Variants in COPG1 observed in about 807,000 individuals in gnomAD.
COPG1 encodes coatomer subunit gamma-1.
In COPG1, 29 loss-of-function variants were observed where a neutral mutation model predicts 102.8. The ratio of observed to expected loss-of-function variants is 0.28; its 90% CI spans 0.21 to 0.38. The LOEUF is 0.38. Ranked by LOEUF, COPG1 falls within the 10% of genes least tolerant of loss-of-function variation. The pLI, the probability that COPG1 is intolerant of heterozygous loss-of-function variation, is 1.00. For synonymous variants in COPG1, 406 were observed against 421.6 expected (o/e 0.96, Z 0.45); for missense variants, 875 against 1,132.7 (o/e 0.77, Z 3.27).
Position 129,277,507 on chromosome 3 carries a change from CT to C in COPG1, c.*85del. 1.4e-6 allele frequency: 2 copies of C among 1,414,602 alleles called. No individual in the cohort carries two copies. Among genetic ancestry groups the C allele is most frequent in the Non-Finnish European group, 2.0e-6 (2 of 1,024,962 alleles). The allele number at this position is 1,414,602 out of a possible 1,614,324, so 87.6% of individuals were successfully genotyped here. A position where few individuals can be genotyped will look rare whatever the true frequency, so the allele number is the denominator to read the frequency against. ...TTCCTCATGAAACTGGCAGAAACCC[CT>C]TCCCAAGCTTCTGTATTGAAAAACA... is the stretch of plus-strand genomic sequence containing the variant. On this transcript the variant is annotated 3_prime_UTR_variant, in exon 24 of 24. Transcript: ENST00000314797.
intron 2 of COPG1, 128 bp downstream of exon 2, chr3:129,250,862 C>A: frequency 1.8e-6 from 1 of 555,960 alleles, no homozygotes; most frequent in Admixed American, 2.5e-5. Context: ...TGGAAGTTTT[C>A]TGGAAGACAG....
chr3:129,256,659 T>C (rs978001553), intron 8 of COPG1, among the ~76,000 whole-genome samples: 1 of 152,252 alleles, frequency 6.6e-6, no homozygotes, highest in Non-Finnish European at 1.5e-5. Context: ...GCTGAGATCA[T>C]GCATGTAACA....
chr3:129,266,987 G>A (rs1940073565), intron 14 of COPG1, 37 bp from the exon 15 acceptor site: 2 of 1,583,516 alleles, frequency 1.3e-6, no homozygotes, highest in Non-Finnish European at 8.7e-7. Flanking sequence ...AGTTGTCAGG[G>A]TGCATTGGGT....
rs1939898286 is a variant in COPG1, at chr3:129,260,223, C to T, written c.872-110C>T. The T allele has an allele frequency of 3.1e-6, 3 of 980,022 alleles. No homozygotes were observed. The South Asian group carries it at 4.3e-5, about 14-fold the overall frequency. 60.7% of individuals were successfully genotyped at this position (980,022 alleles called of 1,614,324 possible). On this transcript the variant is annotated intron_variant, in intron 10 of 23. Transcript: ENST00000314797. Reference sequence around the variant, plus strand: ...GTGTCTTGGGTTGGGATGGGGGTGTCAGCAGGGAAATGAGCTGAGCAGAGG... The same window carrying T: ...GTGTCTTGGGTTGGGATGGGGGTGTTAGCAGGGAAATGAGCTGAGCAGAGG...
intron 10 of COPG1, among the ~76,000 whole-genome samples, chr3:129,258,827 G>T (rs1356940268): frequency 6.6e-6 from 1 of 152,182 alleles, no homozygotes; most frequent in Non-Finnish European, 1.5e-5. Flanking sequence ...TCTGTGCAGG[G>T]CCCTGCTCTG....
At position 129,252,877 on chromosome 3, in the gene COPG1, C is replaced by T. The variant is rs1049834754; in HGVS notation, c.245C>T (p.Pro82Leu). ...GGGCTTTTCCCACCTATCTCCCAGC[C>T]CACACTCCGTCGGATGTGCTACTTG... ...AMTKLFQSND[P>L]TLRRMCYLTI... Residue 82 changes from proline to leucine, a missense_variant and splice_region_variant, in exon 5 of 24, where the codon CCC (proline) becomes CTC (leucine). Pro to Leu is a moderately conservative substitution (Grantham distance 98). Transcript: ENST00000314797. 1.9e-6 allele frequency: 3 copies of T among 1,613,962 alleles called. No homozygotes were observed. Among genetic ancestry groups the T allele is most frequent in the African/African-American group, 2.7e-5 (2 of 74,934 alleles).
At position 129,257,563 on chromosome 3, in the gene COPG1, T is replaced by C; in HGVS notation, c.673T>C (p.Ser225Pro). The change falls in exon 9 of 24, where the codon TCT becomes CCT. Residue 225 changes from serine (S) to proline (P), a missense_variant. Physicochemically the swap from Ser to Pro is moderately conservative, Grantham distance 74. Coordinates refer to ENST00000314797, the MANE Select transcript of COPG1 (RefSeq NM_016128.4). The stretch of plus-strand genomic sequence containing the variant: ...CAAGGTCACACGGCATGGCCTTAAG[T>C]CTCCCTTTGCCTACTGCATGATGAT... The part of the protein sequence containing the change: ...ISKVTRHGLK[S>P]PFAYCMMIRV... 6.2e-7 allele frequency: 1 copy of C among 1,614,156 alleles called. No individual in the cohort carries two copies. The highest frequency in any genetic ancestry group is 8.5e-7 in the Non-Finnish European group (1 of 1,180,022).
rs1940181243 is a variant in COPG1, at chr3:129,271,526, C to G, written c.1844-241C>G. 1.3e-5 allele frequency among the ~76,000 whole-genome samples: 2 copies of G among 152,102 alleles called. No individual in the cohort carries two copies. Among genetic ancestry groups the G allele is most frequent in the Non-Finnish European group, 2.9e-5 (2 of 68,030 alleles). On this transcript the variant is annotated intron_variant, in intron 18 of 23. Transcript: ENST00000314797. This position sits in a 1 kb window ranked among gnomAD's most constrained non-coding sequence, Gnocchi z 4.7. ...CATATCAGTTTTTTGCTTCTGAGGT[C>G]TTTCATGGTACAGAGATGGGGAGAG...
In COPG1 at chr3:129,271,962, C is replaced by T; in HGVS notation, c.1986+53C>T. On this transcript the variant is annotated intron_variant, in intron 19 of 23. Coordinates refer to ENST00000314797, the MANE Select transcript of COPG1 (RefSeq NM_016128.4). The surrounding 1 kb of genome is among the most constrained non-coding windows in gnomAD (Gnocchi z 4.7). ...GGGGCATGCGCCCAGGGAGTTGTCC[C>T]AGGTCTGGCAGGTCCTGTAGGGTCA... 2 of 1,584,858 alleles carry T rather than the reference C, an allele frequency of 1.3e-6. No individual in the cohort carries two copies. Among genetic ancestry groups the T allele is most frequent in the Non-Finnish European group, 1.7e-6 (2 of 1,163,812 alleles).
intron 23 of COPG1, among the ~76,000 whole-genome samples, chr3:129,276,376 A>T (rs769764321): frequency 1.3e-4 from 20 of 152,226 alleles, no homozygotes; most frequent in Non-Finnish European, 2.2e-4. Flanking sequence ...AAACTCCAGA[A>T]ATAGCATTTT....
chr3:129,257,799 C>T lies in COPG1; in HGVS notation c.810C>T (p.Ala270=), dbSNP rs147163571. ...AGCACGAGATGGTGGTGTATGAAGCCGCCTCGGCCATCGTCAATCTGCCAG... is the reference window on the plus strand; with the variant it reads ...AGCACGAGATGGTGGTGTATGAAGCTGCCTCGGCCATCGTCAATCTGCCAG... ...RNKHEMVVYE[A]ASAIVNLPGC... Residue 270 remains alanine, a synonymous_variant, in exon 10 of 24, where the codon GCC becomes GCT. Transcript: ENST00000314797. 1.2e-5 allele frequency: 19 copies of T among 1,614,026 alleles called. No homozygotes were observed. The highest frequency in any genetic ancestry group is 4.5e-5 in the East Asian group (2 of 44,900).
At chr3:129,270,209 C>A (rs983133456) in intron 18 of COPG1, among the ~76,000 whole-genome samples, 1 of 151,864 alleles carries the variant, frequency 6.6e-6, no homozygotes, top group African/African-American at 2.4e-5. Flanking sequence ...GCTGCAGGTT[C>A]TGGGAATTAG....
chr3:129,252,806 G>A, intron 4 of COPG1, 70 bp from the exon 5 acceptor site: 1 of 1,560,756 alleles, frequency 6.4e-7, no homozygotes, highest in Non-Finnish European at 8.8e-7. Context: ...GTGGAGACAG[G>A]AGGTATCTTC....
At position 129,271,661 on chromosome 3, in the gene COPG1, A is replaced by C; in HGVS notation, c.1844-106A>C. 3 of 1,370,804 alleles carry C rather than the reference A, an allele frequency of 2.2e-6. No homozygotes were observed. The highest frequency in any genetic ancestry group is 2.0e-6 in the Non-Finnish European group (2 of 985,506). The allele number at this position is 1,370,804 out of a possible 1,614,324, so 84.9% of individuals were successfully genotyped here. A position where few individuals can be genotyped will look rare whatever the true frequency, so the allele number is the denominator to read the frequency against. ...TTGGGTAAACATATCTATCCATCTA[A>C]GGTAGGGTGGAACACCTTGAGAATG... is the stretch of plus-strand genomic sequence containing the variant. On this transcript the variant is annotated intron_variant, in intron 18 of 23. Transcript: ENST00000314797. The surrounding 1 kb of genome is among the most constrained non-coding windows in gnomAD (Gnocchi z 4.7).
In COPG1 at chr3:129,271,086, GTGGACACCATGTGCACA is replaced by G. The variant is rs1360058262; in HGVS notation, c.1844-680_1844-664del. The stretch of plus-strand genomic sequence containing the variant: ...AGAGTGGCAGCTGTAGCCATTATAG[GTGGACACCATGTGCACA>G]CATCTGCCAGATGCCTCATTCACTT... On this transcript the variant is annotated intron_variant, in intron 18 of 23. Coordinates refer to ENST00000314797, the MANE Select transcript of COPG1 (RefSeq NM_016128.4). This position sits in a 1 kb window ranked among gnomAD's most constrained non-coding sequence, Gnocchi z 4.7. 6.6e-6 allele frequency among the ~76,000 whole-genome samples: 1 copy of G among 152,178 alleles called. No homozygotes were observed. Among genetic ancestry groups the G allele is most frequent in the Non-Finnish European group, 1.5e-5 (1 of 68,032 alleles).
chr3:129,251,371 T>TTATA (rs58203832), intron 2 of COPG1, among the ~76,000 whole-genome samples: 7 of 146,666 alleles, frequency 4.8e-5, no homozygotes, highest in Middle Eastern at 3.6e-3. Context: ...TATATATTTT[T>TTATA]TATATATATA....
Position 129,260,703 on chromosome 3 carries a change from A to G in COPG1, c.1024A>G (p.Thr342Ala). ...CACAGATTCAAACCGCAGCATTGCC[A>G]CGCTGGCCATCACCACCCTCCTTAA... ...LVTDSNRSIATLAITTLLKTG... is the reference protein window; with the variant it reads ...LVTDSNRSIAALAITTLLKTG... Residue 342 changes from threonine to alanine, a missense_variant, in exon 12 of 24, where the codon ACG becomes GCG. Transcript: ENST00000314797. 2 of 1,613,912 alleles carry G rather than the reference A, an allele frequency of 1.2e-6. No homozygotes were observed. Among genetic ancestry groups the G allele is most frequent in the Non-Finnish European group, 1.7e-6 (2 of 1,180,042 alleles).
intron 8 of COPG1, 89 bp downstream of exon 8, chr3:129,256,243 C>G: frequency 9.7e-7 from 1 of 1,029,104 alleles, no homozygotes; most frequent in Non-Finnish European, 1.5e-6. Flanking sequence ...CCACCGAGAT[C>G]CTTGTGACCC....
At position 129,265,891 on chromosome 3, in the gene COPG1, G is replaced by A. The variant is rs147089895; in HGVS notation, c.1468+99G>A. On this transcript the variant is annotated intron_variant, in intron 14 of 23. Coordinates refer to ENST00000314797, the MANE Select transcript of COPG1 (RefSeq NM_016128.4). The stretch of plus-strand genomic sequence containing the variant: ...CCTCCAGTGGGGATTTGTGCACTCA[G>A]TGTTCTTGCTGCACAAGCTGTTTTT... The A allele has an allele frequency of 2.6e-3, 3,188 of 1,206,392 alleles. 12 individuals carry two copies. Among genetic ancestry groups the A allele is most frequent in the African/African-American group, 0.015 (982 of 65,800 alleles). 74.7% of individuals were successfully genotyped at this position (1,206,392 alleles called of 1,614,324 possible).
Sources: gnomAD v4.1 joint callset for allele counts (sites outside exome capture counted in the v4.1 genomes callset) on GRCh38, gnomAD v4.1.1 for gene constraint, Gnocchi (gnomAD v3.1) non-coding constraint, MANE v1.5 for transcripts, NCBI Gene and HGNC (gene_info 2026-07-23, HGNC 2026-07-21) for gene names.